Variants in MALRD1 observed in about 807,000 individuals in gnomAD.
The protein encoded by MALRD1 is MAM and LDL receptor class A domain containing 1, also known as MAM and LDL-receptor class A domain-containing protein 1.
MALRD1 carries 247 observed loss-of-function variants against 242.1 expected under a neutral mutation model. That is an observed-to-expected ratio of 1.02 (90% CI 0.92 to 1.13). The LOEUF is 1.13. Ranked by LOEUF, MALRD1 falls within the 50% of genes most tolerant of loss-of-function variation. The pLI is 0.00. For synonymous variants in MALRD1, 995 were observed against 866.6 expected, an observed-to-expected ratio of 1.15 and a Z score of -2.60; for missense variants, 2,989 against 2,533.1, an observed-to-expected ratio of 1.18 and a Z score of -3.86.
intron 28 of MALRD1, among the ~76,000 whole-genome samples, chr10:19,399,049 C>T (rs1283325124): frequency 6.6e-6 from 1 of 152,122 alleles, no homozygotes; most frequent in Non-Finnish European, 1.5e-5. Flanking sequence ...CATAAGTAGT[C>T]ATAGACATTG....
chr10:19,064,826 T>A lies in MALRD1; in HGVS notation c.200-1893T>A, dbSNP rs76731191. Among the ~76,000 whole-genome samples, 395 of 151,798 alleles carry A rather than the reference T, an allele frequency of 2.6e-3. 1 individual carries two copies. Among genetic ancestry groups the A allele is most frequent in the African/African-American group, 9.2e-3 (379 of 41,410 alleles). ...GAGCTGGTGCTGTTAAACATCCATC[T>A]TTTATTTTATTGAATTGTAGCTGCT... On this transcript the variant is annotated intron_variant, in intron 1 of 39. Transcript: ENST00000454679.
chr10:19,229,462 C>T (rs1837955160), intron 18 of MALRD1, among the ~76,000 whole-genome samples: 1 of 152,150 alleles, frequency 6.6e-6, no homozygotes. Context: ...GCTCTGCAGC[C>T]TCTCTGGGTG....
intron 18 of MALRD1, among the ~76,000 whole-genome samples, chr10:19,248,979 A>G (rs1379282514): frequency 1.4e-5 from 2 of 146,426 alleles, no homozygotes; most frequent in African/African-American, 2.5e-5. Flanking sequence ...TGTAATATAA[A>G]TATATGTTAT....
rs1306226001 is a variant in MALRD1, at chr10:19,085,433, A to C, written c.341-2407A>C. Among the ~76,000 whole-genome samples, 4 of 152,042 alleles carry C rather than the reference A, an allele frequency of 2.6e-5. No homozygotes were observed. The East Asian group carries it at 7.7e-4, about 29-fold the overall frequency. On this transcript the variant is annotated intron_variant, in intron 2 of 39. Transcript: ENST00000454679. ...TTGTGATTGTCACTAAGTTAAAATT[A>C]AACATAGAAAACAGATATTGCCACT...
chr10:19,335,230 AC>A (rs1205693354), intron 24 of MALRD1, among the ~76,000 whole-genome samples: 2 of 145,642 alleles, frequency 1.4e-5, no homozygotes, highest in Non-Finnish European at 3.0e-5. Context: ...GCATATTCAT[AC>A]CGGTAATATT....
intron 28 of MALRD1, among the ~76,000 whole-genome samples, chr10:19,399,783 C>A (rs976834192): frequency 6.6e-6 from 1 of 152,104 alleles, no homozygotes; most frequent in Admixed American, 6.5e-5. Context: ...TTTAGACTTA[C>A]ATTTTCTAGA....
intron 28 of MALRD1, among the ~76,000 whole-genome samples, chr10:19,433,458 T>C (rs1834228423): frequency 6.6e-6 from 1 of 152,208 alleles, no homozygotes; most frequent in Admixed American, 6.5e-5. Context: ...AGAGGGCCTC[T>C]GAGCCCTTCT....
intron 31 of MALRD1, among the ~76,000 whole-genome samples, chr10:19,507,283 G>C (rs1228401985): frequency 6.6e-6 from 1 of 152,090 alleles, no homozygotes; most frequent in Non-Finnish European, 1.5e-5. Flanking sequence ...GGTTGAAATG[G>C]TTAAAGCTGG....
At chr10:19,501,021 A>C (rs375422911) in intron 31 of MALRD1, among the ~76,000 whole-genome samples, 2 of 152,206 alleles carry the variant, frequency 1.3e-5, no homozygotes, top group South Asian at 4.1e-4. Context: ...AATGGAGTAC[A>C]TAGGAGTGTG....
At chr10:19,124,457 A>T in intron 6 of MALRD1, 67 bp from the exon 7 acceptor site, 2 of 1,211,358 alleles carry the variant, frequency 1.7e-6, no homozygotes, top group Non-Finnish European at 1.0e-6. Context: ...TGATTACAAC[A>T]CATAACTTGG....
At chr10:19,642,362 G>C (rs895427924) in intron 36 of MALRD1, among the ~76,000 whole-genome samples, 3 of 151,878 alleles carry the variant, frequency 2.0e-5, no homozygotes, top group Admixed American at 6.6e-5. Flanking sequence ...CCCATTCAGA[G>C]GTACAGAAAA....
intron 31 of MALRD1, among the ~76,000 whole-genome samples, chr10:19,530,462 A>AT (rs1376150750): frequency 0.67 from 58,663 of 88,046 alleles, 24,353 homozygotes; most frequent in Non-Finnish European, 0.85. Flanking sequence ...AATATATAAT[A>AT]ATAAATAATT....
At chr10:19,372,447 C>T (rs1845418235) in intron 26 of MALRD1, among the ~76,000 whole-genome samples, 1 of 151,596 alleles carries the variant, frequency 6.6e-6, no homozygotes, top group Non-Finnish European at 1.5e-5. Context: ...TAGGATGAGA[C>T]ATAGGCCTCT....
rs1199759623 is a variant in MALRD1 at position 19,204,343 on chromosome 10, T to C, written c.2140T>C (p.Leu714=). 6.5e-7 allele frequency: 1 copy of C among 1,545,042 alleles called. No homozygotes were observed. The highest frequency in any genetic ancestry group is 2.0e-5 in the Admixed American group (1 of 50,728). ...GTTCATTCTGAAGAAAAGCAGCAGC[T>C]TGTGGCAAGTTGCTAAGCTTCAGAG... ...FMFILKKSSS[L]WQVAKLQSPT... Residue 714 remains leucine (L), a synonymous_variant, in exon 16 of 40, where the codon TTG becomes CTG. Transcript: ENST00000454679.
At chr10:19,491,451 C>T in intron 29 of MALRD1, 66 bp from the exon 30 acceptor site, 3 of 1,509,412 alleles carry the variant, frequency 2.0e-6, no homozygotes, top group Non-Finnish European at 2.7e-6. Context: ...AAATACCTAA[C>T]AGGAATCTTC....
intron 28 of MALRD1, among the ~76,000 whole-genome samples, chr10:19,444,868 T>TG (rs35479296): frequency 1.3e-5 from 2 of 152,228 alleles, no homozygotes; most frequent in East Asian, 3.9e-4. Flanking sequence ...CTTGCTAGGT[T>TG]GGGGAAGTTC....
chr10:19,081,418 G>A (rs954603194), intron 2 of MALRD1, among the ~76,000 whole-genome samples: 4 of 152,086 alleles, frequency 2.6e-5, no homozygotes, highest in Non-Finnish European at 1.5e-5. Context: ...TATACACCAT[G>A]GAATTTTATG....
chr10:19,224,290 T>C (rs1837689290), intron 18 of MALRD1, among the ~76,000 whole-genome samples: 1 of 151,500 alleles, frequency 6.6e-6, no homozygotes, highest in Admixed American at 6.6e-5. Flanking sequence ...TGAGCTTTTT[T>C]TTTTTTTTTT....
At chr10:19,274,372 A>G (rs1840398765) in intron 19 of MALRD1, among the ~76,000 whole-genome samples, 1 of 152,196 alleles carries the variant, frequency 6.6e-6, no homozygotes, top group Non-Finnish European at 1.5e-5. Context: ...TTATATGTTG[A>G]CATTCCAACC....
Sources: allele counts gnomAD v4.1 joint callset (sites outside exome capture counted in the v4.1 genomes callset), GRCh38; gene constraint gnomAD v4.1.1; transcripts MANE v1.5; gene names NCBI Gene and HGNC (gene_info 2026-07-23, HGNC 2026-07-21).